The following DCC variants were observed in gnomAD, a reference collection of about 807,000 sequenced individuals.
The protein encoded by DCC is netrin receptor DCC.
In DCC, 58 loss-of-function variants were observed where a neutral mutation model predicts 172.5. That is an observed-to-expected ratio of 0.34 (90% CI 0.27 to 0.42). The LOEUF (loss-of-function observed/expected upper bound fraction) is 0.42. Among genes scored for constraint, DCC ranks in the 10% least tolerant of loss-of-function variants. The pLI is 1.00. For synonymous variants in DCC, 709 were observed against 644.5 expected, an observed-to-expected ratio of 1.10 and a Z score of -1.52; for missense variants, 1,740 against 1,791.0, an observed-to-expected ratio of 0.97 and a Z score of 0.51.
At chr18:52,487,432 A>T (rs2030280689) in intron 1 of DCC, among the ~76,000 whole-genome samples, 1 of 152,218 alleles carries the variant, frequency 6.6e-6, no homozygotes, top group South Asian at 2.1e-4. Flanking sequence ...CTATCTGCTC[A>T]TTTTGCCTCC....
chr18:53,181,110 A>G (rs73960214), intron 9 of DCC, among the ~76,000 whole-genome samples: 2,517 of 152,304 alleles, frequency 0.017, 80 homozygotes, highest in African/African-American at 0.058. Flanking sequence ...AAAATTCCTT[A>G]AAGAAATCCT....
At chr18:53,017,554 T>C (rs1399509078) in intron 5 of DCC, among the ~76,000 whole-genome samples, 1 of 152,204 alleles carries the variant, frequency 6.6e-6, no homozygotes, top group African/African-American at 2.4e-5. Flanking sequence ...CTGTAGTTAC[T>C]GGGTACAGGA....
chr18:52,416,828 T>C (rs565242564), intron 1 of DCC, among the ~76,000 whole-genome samples: 18 of 152,230 alleles, frequency 1.2e-4, no homozygotes, highest in Admixed American at 9.8e-4. Context: ...CTTTATCCAA[T>C]TTGCCAGTCT....
chr18:53,294,765 C>T (rs549580652), intron 12 of DCC, among the ~76,000 whole-genome samples: 90 of 152,128 alleles, frequency 5.9e-4, no homozygotes, highest in African/African-American at 1.7e-3. Flanking sequence ...AGAAATTGTC[C>T]CAGGTTGGCT....
At position 52,793,610 on chromosome 18, in the gene DCC, T is replaced by A. The variant is rs1479963208; in HGVS notation, c.412+41236T>A. 2.0e-5 allele frequency among the ~76,000 whole-genome samples: 3 copies of A among 152,246 alleles called. No homozygotes were observed. The East Asian group carries it at 5.8e-4, about 29-fold the overall frequency. On this transcript the variant is annotated intron_variant, in intron 2 of 28. Coordinates refer to ENST00000442544, the MANE Select transcript of DCC (RefSeq NM_005215.4). ...CATGTTGTGTCTTCACTCTGTTGAT[T>A]GCTTCCTTTGGTGTGCAGAAGCTTT...
chr18:53,177,417 T>C (rs2055120911), intron 8 of DCC, among the ~76,000 whole-genome samples: 1 of 152,234 alleles, frequency 6.6e-6, no homozygotes, highest in African/African-American at 2.4e-5. Context: ...TCAGGGTGCA[T>C]ATTTTAAATA....
Position 53,268,006 on chromosome 18 carries a change from C to T in DCC, c.1912-37572C>T, listed in dbSNP as rs56252376. 2.1e-4 allele frequency among the ~76,000 whole-genome samples: 32 copies of T among 152,236 alleles called. No individual in the cohort carries two copies. The South Asian group carries it at 2.7e-3, about 13-fold the overall frequency. ...ACTTCAAAGCACTAAAAAATTCCCC[C>T]GTGTGAGCACCTTATTGCAAACTTA... is the stretch of plus-strand genomic sequence containing the variant. On this transcript the variant is annotated intron_variant, in intron 12 of 28. Coordinates refer to ENST00000442544, the MANE Select transcript of DCC (RefSeq NM_005215.4).
chr18:52,845,565 G>A (rs1182295150), intron 2 of DCC, among the ~76,000 whole-genome samples: 1 of 152,158 alleles, frequency 6.6e-6, no homozygotes, highest in East Asian at 1.9e-4. Context: ...CCAGCATCAG[G>A]TAAGGCACAG....
intron 1 of DCC, among the ~76,000 whole-genome samples, chr18:52,741,507 C>A (rs2036821897): frequency 6.6e-6 from 1 of 152,066 alleles, no homozygotes; most frequent in Non-Finnish European, 1.5e-5. Context: ...CAGTAGCACC[C>A]CTCTCAGTTG....
chr18:52,851,275 A>G (rs1489097699), intron 2 of DCC, among the ~76,000 whole-genome samples: 3 of 152,042 alleles, frequency 2.0e-5, no homozygotes, highest in Admixed American at 1.3e-4. Flanking sequence ...TGTTTATTCA[A>G]TTTTAGTCAA....
chr18:52,427,784 A>G (rs1210501117), intron 1 of DCC, among the ~76,000 whole-genome samples: 1 of 148,764 alleles, frequency 6.7e-6, no homozygotes, highest in East Asian at 1.9e-4. Flanking sequence ...GAAATCAGAG[A>G]ATGAGGTAAA....
intron 1 of DCC, among the ~76,000 whole-genome samples, chr18:52,497,310 T>C (rs1455669316): frequency 3.4e-5 from 3 of 88,318 alleles, no homozygotes; most frequent in South Asian, 7.6e-4. Context: ...TATATATATA[T>C]ATATACACAC....
chr18:53,520,192 G>A (rs1170486703), intron 27 of DCC, among the ~76,000 whole-genome samples: 1 of 152,084 alleles, frequency 6.6e-6, no homozygotes, highest in Non-Finnish European at 1.5e-5. Context: ...TTCATGTGGA[G>A]GAACAGATCG....
At chr18:52,753,056 G>A (rs2037023268) in intron 2 of DCC, among the ~76,000 whole-genome samples, 2 of 151,674 alleles carry the variant, frequency 1.3e-5, no homozygotes, top group Admixed American at 1.3e-4. Flanking sequence ...TCCACATCTT[G>A]GCTGTTGTGA....
intron 11 of DCC, among the ~76,000 whole-genome samples, chr18:53,211,616 C>T (rs1021491354): frequency 3.9e-5 from 6 of 151,908 alleles, no homozygotes; most frequent in African/African-American, 7.3e-5. Context: ...CCCAGCTACT[C>T]GGGAGGCTGA....
At chr18:53,310,464 G>T (rs1020286583) in intron 13 of DCC, among the ~76,000 whole-genome samples, 4 of 151,840 alleles carry the variant, frequency 2.6e-5, no homozygotes, top group African/African-American at 4.8e-5. Context: ...TGTTAGACAG[G>T]TGTTTTTTGT....
intron 1 of DCC, among the ~76,000 whole-genome samples, chr18:52,566,182 G>A (rs2033155810): frequency 6.6e-6 from 1 of 152,052 alleles, no homozygotes; most frequent in African/African-American, 2.4e-5. Context: ...ATACTATGCA[G>A]CCGTAAAAAA....
intron 14 of DCC, among the ~76,000 whole-genome samples, chr18:53,325,971 T>G (rs958584569): frequency 1.5e-4 from 23 of 152,204 alleles, no homozygotes; most frequent in Non-Finnish European, 2.9e-4. Flanking sequence ...TAGGACAGCA[T>G]AGAAGACATT....
intron 1 of DCC, among the ~76,000 whole-genome samples, chr18:52,371,518 G>A (rs1985121835): frequency 6.6e-6 from 1 of 152,176 alleles, no homozygotes; most frequent in Non-Finnish European, 1.5e-5. Flanking sequence ...AGAACGAAAA[G>A]TGTTTGTTAG....
Sources: allele counts gnomAD v4.1 joint callset (sites outside exome capture counted in the v4.1 genomes callset), GRCh38; gene constraint gnomAD v4.1.1; transcripts MANE v1.5; gene names NCBI Gene and HGNC (gene_info 2026-07-23, HGNC 2026-07-21).